Variants in IRS2 observed in about 807,000 individuals in gnomAD.
IRS2 encodes the protein insulin receptor substrate 2.
In IRS2, 28 loss-of-function variants were observed where a neutral mutation model predicts 70.9. The observed-to-expected ratio is 0.39, with a 90% CI of 0.29 to 0.54. The LOEUF (loss-of-function observed/expected upper bound fraction) is 0.54, where lower values mean the gene tolerates loss of function less well. IRS2 is among the 20% of genes least tolerant of loss of function. The pLI is 0.59. For missense variants in IRS2, 2,081 were observed against 2,024.1 expected, an observed-to-expected ratio of 1.03 and a Z score of -0.54; for synonymous variants, 1,217 against 981.9, an observed-to-expected ratio of 1.24 and a Z score of -4.48.
At chr13:109,762,205 T>C (rs1877242089) in intron 1 of IRS2, among the ~76,000 whole-genome samples, 1 of 152,224 alleles carries the variant, frequency 6.6e-6, no homozygotes, top group Non-Finnish European at 1.5e-5. Context: ...GAGCTATTCG[T>C]CTATGGCAAG....
chr13:109,766,181 G>A lies in IRS2; in HGVS notation c.4013-9873C>T, dbSNP rs71439398. ...TCCCAGCCTCAACCACCCTGACTCC[G>A]ACTCCCCACCAAGCATGTAGATATC... is the stretch of plus-strand genomic sequence containing the variant. On this transcript the variant is annotated intron_variant, in intron 1 of 1. Transcript: ENST00000375856. Among the ~76,000 whole-genome samples, 27 of 7,878 alleles carry A rather than the reference G, an allele frequency of 3.4e-3. 1 individual carries two copies. The highest frequency in any genetic ancestry group is 5.6e-3 in the South Asian group (1 of 180). 5.2% of individuals were successfully genotyped at this position (7,878 alleles called of 152,430 possible). A position where few individuals can be genotyped will look rare whatever the true frequency, so the allele number is the denominator to read the frequency against.
In IRS2 at chr13:109,783,419, C is replaced by G. The variant is rs549588978; in HGVS notation, c.2635G>C (p.Gly879Arg). ...GCCCGGCCGCGCTGGCCCAAGAAGC[C>G]CTCCGGGCGGCCGCCGCTAGGCCGC... ...PVRPSGGRPE[G>R]FLGQRGRAVR... The change falls in exon 1 of 2, where the codon GGC becomes CGC. Residue 879 changes from glycine (G) to arginine (R), a missense_variant. Gly to Arg is a moderately radical substitution (Grantham distance 125). Around this residue, in one of 4 missense-constraint regions of IRS2, gnomAD observed 1,615 missense variants for 1,459.5 expected, o/e 1.11. Coordinates refer to ENST00000375856, the MANE Select transcript of IRS2 (RefSeq NM_003749.3). 2 of 1,491,050 alleles carry G rather than the reference C, an allele frequency of 1.3e-6. No individual in the cohort carries two copies. Among genetic ancestry groups the G allele is most frequent in the South Asian group, 1.3e-5 (1 of 77,606 alleles). 92.4% of individuals were successfully genotyped at this position (1,491,050 alleles called of 1,614,324 possible). A position where few individuals can be genotyped will look rare whatever the true frequency, so the allele number is the denominator to read the frequency against.
At chr13:109,766,977 T>A (rs1290654833) in intron 1 of IRS2, among the ~76,000 whole-genome samples, 4 of 152,244 alleles carry the variant, frequency 2.6e-5, no homozygotes, top group Admixed American at 2.6e-4. Flanking sequence ...CGGTAGAACC[T>A]AAAATGGCAA....
chr13:109,765,211 G>A (rs1322206076), intron 1 of IRS2, among the ~76,000 whole-genome samples: 1 of 152,226 alleles, frequency 6.6e-6, no homozygotes, highest in Non-Finnish European at 1.5e-5. Flanking sequence ...TGCCACAAAT[G>A]ACAGAGATTT....
intron 1 of IRS2, among the ~76,000 whole-genome samples, chr13:109,760,181 A>G (rs1331526632): frequency 6.6e-6 from 1 of 152,240 alleles, no homozygotes; most frequent in Non-Finnish European, 1.5e-5. Flanking sequence ...AGAAGCAAAG[A>G]ATTATTAATT....
chr13:109,782,595 G>A lies in IRS2; in HGVS notation c.3459C>T (p.Ser1153=), dbSNP rs1215335013. Reference sequence around the variant, plus strand: ...ACACGGGGGTGACCGTCGTGGTGGAGGAGAAGGTCTCGGAACTGTGGCGGC... The same window carrying A: ...ACACGGGGGTGACCGTCGTGGTGGAAGAGAAGGTCTCGGAACTGTGGCGGC... The part of the protein sequence containing the change: ...GRRRHSSETF[S]STTTVTPVSP... The change falls in exon 1 of 2, where the codon TCC becomes TCT. Residue 1153 remains serine (S), a synonymous_variant. Coordinates refer to ENST00000375856, the MANE Select transcript of IRS2 (RefSeq NM_003749.3). 11 of 1,578,368 alleles carry A rather than the reference G, an allele frequency of 7.0e-6. No homozygotes were observed. Among genetic ancestry groups the A allele is most frequent in the East Asian group, 2.3e-5 (1 of 43,416 alleles).
At chr13:109,778,214 G>A (rs775761711) in intron 1 of IRS2, among the ~76,000 whole-genome samples, 4 of 152,194 alleles carry the variant, frequency 2.6e-5, no homozygotes, top group Non-Finnish European at 5.9e-5. Context: ...CCATTTTACA[G>A]ACAGGGAAAG....
intron 1 of IRS2, among the ~76,000 whole-genome samples, chr13:109,780,590 ACAGTC>A (rs145521965): frequency 0.013 from 2,018 of 152,350 alleles, 57 homozygotes; most frequent in African/African-American, 0.046. Context: ...CCATGGACCG[ACAGTC>A]CTAAGTATAC....
chr13:109,772,529 C>T (rs1223028457), intron 1 of IRS2, among the ~76,000 whole-genome samples: 1 of 152,166 alleles, frequency 6.6e-6, no homozygotes, highest in African/African-American at 2.4e-5. Context: ...CCAGCCAGGT[C>T]TCCAATCTCA....
chr13:109,779,214 A>G (rs77857362), intron 1 of IRS2, among the ~76,000 whole-genome samples: 2,017 of 152,296 alleles, frequency 0.013, 56 homozygotes, highest in African/African-American at 0.046. Context: ...TTATGCAAAT[A>G]CCAAACATTA....
At position 109,783,968 on chromosome 13, in the gene IRS2, C is replaced by A. The variant is rs1444427299; in HGVS notation, c.2086G>T (p.Ala696Ser). ...GAAGGCACGGCGGCGGCGGCGGCGG[C>A]GGCGGCCCTGGGCTGCAAGATCTGC... is the stretch of plus-strand genomic sequence containing the variant. ...PKQILQPRAA[A>S]AAAAAVPSAG... The change falls in exon 1 of 2, where the codon GCC becomes TCC. Residue 696 changes from alanine to serine, a missense_variant. Physicochemically the swap from Ala to Ser is moderately conservative, Grantham distance 99 (BLOSUM62 1). This residue lies in a region of IRS2 where 1,615 missense variants were observed against 1,459.5 expected (regional missense o/e 1.11). Transcript: ENST00000375856. The A allele has an allele frequency of 5.9e-6, 9 of 1,514,168 alleles. No individual in the cohort carries two copies. Among genetic ancestry groups the A allele is most frequent in the Non-Finnish European group, 7.9e-6 (9 of 1,137,556 alleles). The allele number at this position is 1,514,168 out of a possible 1,614,324, so 93.8% of individuals were successfully genotyped here. A position where few individuals can be genotyped will look rare whatever the true frequency, so the allele number is the denominator to read the frequency against.
chr13:109,781,891 C>T (rs1006561938), intron 1 of IRS2, 151 bp downstream of exon 1: 1 of 818,054 alleles, frequency 1.2e-6, no homozygotes, highest in South Asian at 1.5e-5. Context: ...GAGAACAGGG[C>T]AGCCCGCAGA....
rs1355577860 is a variant in IRS2, at chr13:109,753,346, T to C, written c.*2958A>G. 1 of 152,334 alleles carries C rather than the reference T, an allele frequency of 6.6e-6. No homozygotes were observed. The highest frequency in any genetic ancestry group is 2.4e-5 in the African/African-American group (1 of 41,440). The allele number at this position is 152,334 out of a possible 1,614,324, so 9.4% of individuals were successfully genotyped here. On this transcript the variant is annotated 3_prime_UTR_variant, in exon 2 of 2. Coordinates refer to ENST00000375856, the MANE Select transcript of IRS2 (RefSeq NM_003749.3). ...CATTCTTGATGTACACGTTGGTGTA[T>C]CTTCTGTGTGCACATCAGGAAGGGA... is the stretch of plus-strand genomic sequence containing the variant.
intron 1 of IRS2, among the ~76,000 whole-genome samples, chr13:109,774,047 A>G (rs187308980): frequency 4.0e-4 from 61 of 152,310 alleles, no homozygotes; most frequent in African/African-American, 1.4e-3. Context: ...GTTACATTCT[A>G]TCAACGGTTC....
chr13:109,771,144 T>C (rs1023472191), intron 1 of IRS2, among the ~76,000 whole-genome samples: 1 of 152,174 alleles, frequency 6.6e-6, no homozygotes, highest in Admixed American at 6.5e-5. Flanking sequence ...CCCTTACATG[T>C]AGAAGCTACA....
At chr13:109,775,837 T>C (rs1877562457) in intron 1 of IRS2, among the ~76,000 whole-genome samples, 1 of 151,064 alleles carries the variant, frequency 6.6e-6, no homozygotes, top group Admixed American at 6.6e-5. Flanking sequence ...CCTGATACTC[T>C]TTAAAATGAA....
intron 1 of IRS2, among the ~76,000 whole-genome samples, chr13:109,774,005 C>T (rs1877516312): frequency 6.6e-6 from 1 of 152,360 alleles, no homozygotes; most frequent in Middle Eastern, 3.4e-3. Flanking sequence ...GGACCTCACA[C>T]AGCCTCTGTT....
Position 109,784,868 on chromosome 13 carries a change from G to C in IRS2, c.1186C>G (p.Arg396Gly). ...AGSPLSPGPVRAPLSRSHTLS... is the reference protein window; with the variant it reads ...AGSPLSPGPVGAPLSRSHTLS... ...GTGTGCGAGCGGCTCAGGGGCGCGCGCACCGGCCCGGGGCTCAGGGGGCTC... is the reference window on the plus strand; with the variant it reads ...GTGTGCGAGCGGCTCAGGGGCGCGCCCACCGGCCCGGGGCTCAGGGGGCTC... Residue 396 changes from arginine (R) to glycine (G), a missense_variant, in exon 1 of 2, where the codon CGC (arginine) becomes GGC (glycine). Arg to Gly is a moderately radical substitution (Grantham distance 125). Transcript: ENST00000375856. This position sits in a 1 kb window ranked among gnomAD's most constrained non-coding sequence, Gnocchi z 5.2. 1 of 1,131,632 alleles carries C rather than the reference G, an allele frequency of 8.8e-7. No individual in the cohort carries two copies. The highest frequency in any genetic ancestry group is 1.1e-6 in the Non-Finnish European group (1 of 919,258). The allele number at this position is 1,131,632 out of a possible 1,614,324, so 70.1% of individuals were successfully genotyped here.
At position 109,752,797 on chromosome 13, in the gene IRS2, A is replaced by G. The variant is rs1468722563; in HGVS notation, c.*3507T>C. On this transcript the variant is annotated 3_prime_UTR_variant, in exon 2 of 2. Transcript: ENST00000375856. Reference sequence around the variant, plus strand: ...GATGCACGGACAAATGTTTCAAGCAAGGAGGTAAAACTCTCCTGGATAAAA... The same window carrying G: ...GATGCACGGACAAATGTTTCAAGCAGGGAGGTAAAACTCTCCTGGATAAAA... The G allele has an allele frequency of 6.6e-6, 1 of 152,230 alleles. No individual in the cohort carries two copies. The highest frequency in any genetic ancestry group is 2.4e-5 in the African/African-American group (1 of 41,470). The allele number at this position is 152,230 out of a possible 1,614,324, so 9.4% of individuals were successfully genotyped here.
Sources: gnomAD v4.1 joint callset for allele counts (sites outside exome capture counted in the v4.1 genomes callset) on GRCh38, gnomAD v4.1.1 for gene constraint, gnomAD v4.1.1 regional missense constraint, Gnocchi (gnomAD v3.1) non-coding constraint, MANE v1.5 for transcripts, NCBI Gene and HGNC (gene_info 2026-07-23, HGNC 2026-07-21) for gene names.